Variants in NDUFS7 observed in about 807,000 individuals in gnomAD.
NDUFS7 encodes NADH:ubiquinone oxidoreductase core subunit S7, also known as NADH dehydrogenase [ubiquinone] iron-sulfur protein 7, mitochondrial.
Under a neutral mutation model 31.1 loss-of-function variants are expected in NDUFS7, and 11 were observed. The observed-to-expected ratio is 0.35, with a 90% CI of 0.22 to 0.59. The LOEUF is 0.59. NDUFS7 is among the 20% of genes least tolerant of loss of function. The pLI is 0.79. For missense variants in NDUFS7, 263 were observed against 324.2 expected, an observed-to-expected ratio of 0.81 and a Z score of 1.45; for synonymous variants, 136 against 127.9, an observed-to-expected ratio of 1.06 and a Z score of -0.43.
At position 1,393,259 on chromosome 19, in the gene NDUFS7, G is replaced by A; in HGVS notation, c.473G>A (p.Gly158Asp). The A allele has an allele frequency of 2.5e-6, 4 of 1,577,642 alleles. No individual in the cohort carries two copies. Among genetic ancestry groups the A allele is most frequent in the Non-Finnish European group, 3.4e-6 (4 of 1,162,818 alleles). The change falls in exon 7 of 8, where the codon GGC (glycine) becomes GAC (aspartate). Residue 158 changes from glycine to aspartate, a missense_variant. By Grantham distance (94) the Gly-to-Asp change is moderately conservative. Transcript: ENST00000233627. This position sits in a 1 kb window ranked among gnomAD's most constrained non-coding sequence, Gnocchi z 7.3. The stretch of plus-strand genomic sequence containing the variant: ...CCCAACAGCTGCGCCAACGGAGGAG[G>A]CTACTACCACTATTCCTACTCGGTG... ...VSMGSCANGG[G>D]YYHYSYSVVR...
chr19:1,394,244 T>C, intron 7 of NDUFS7: 1 of 658,454 alleles, frequency 1.5e-6, no homozygotes, highest in Non-Finnish European at 2.3e-6. Flanking sequence ...TTCTGCACGG[T>C]TCAGGTCACC....
At chr19:1,390,757 G>A in intron 4 of NDUFS7, 114 bp from the exon 5 acceptor site, 1 of 1,273,040 alleles carries the variant, frequency 7.9e-7, no homozygotes, top group Non-Finnish European at 1.1e-6. Flanking sequence ...TCTCACCTCT[G>A]CCGGCTGCCG....
At position 1,387,970 on chromosome 19, in the gene NDUFS7, A is replaced by G. The variant is rs1179581705; in HGVS notation, c.53+123A>G. On this transcript the variant is annotated intron_variant, in intron 2 of 7. Transcript: ENST00000233627. Reference sequence around the variant, plus strand: ...GAAGGTCACGTGTCATGTTAGGGACAGGATGCAGGTGACGGTCTGCACGCT... The same window carrying G: ...GAAGGTCACGTGTCATGTTAGGGACGGGATGCAGGTGACGGTCTGCACGCT... 16 of 870,302 alleles carry G rather than the reference A, an allele frequency of 1.8e-5. No individual in the cohort carries two copies. In the East Asian group the frequency reaches 3.8e-4, roughly 21 times the overall value. 53.9% of individuals were successfully genotyped at this position (870,302 alleles called of 1,614,324 possible).
rs539337500 is a variant in NDUFS7 at position 1,389,273 on chromosome 19, G to A, written c.228+335G>A. ...CATGCGCACATATACACATGCACAC[G>A]CACACTCGCACACACGTGCACATAT... On this transcript the variant is annotated intron_variant, in intron 4 of 7. Coordinates refer to ENST00000233627, the MANE Select transcript of NDUFS7 (RefSeq NM_024407.5). 539 of 605,660 alleles carry A rather than the reference G, an allele frequency of 8.9e-4. No individual in the cohort carries two copies. The highest frequency in any genetic ancestry group is 9.8e-4 in the African/African-American group (54 of 55,028). 37.5% of individuals were successfully genotyped at this position (605,660 alleles called of 1,614,324 possible).
intron 1 of NDUFS7, among the ~76,000 whole-genome samples, chr19:1,385,168 A>T (rs3890936): frequency 0.25 from 38,431 of 151,792 alleles, 5,630 homozygotes; most frequent in African/African-American, 0.4. Flanking sequence ...AGACATATAT[A>T]TTTTTTTATT....
chr19:1,389,036 ACAC>A, intron 4 of NDUFS7, 98 bp downstream of exon 4: 1 of 992,208 alleles, frequency 1.0e-6, no homozygotes. Context: ...ACACGTACAC[ACAC>A]AACACATGCA....
intron 4 of NDUFS7, chr19:1,390,397 A>C: frequency 4.4e-6 from 1 of 225,044 alleles, no homozygotes; most frequent in Non-Finnish European, 8.9e-6. Context: ...GAGAGCGGGA[A>C]CGGTGGGGGA....
rs266816 is a variant in NDUFS7 at position 1,394,578 on chromosome 19, G to T, written c.545-813G>T. 2.4e-6 allele frequency: 3 copies of T among 1,229,414 alleles called. No individual in the cohort carries two copies. The South Asian group carries it at 4.0e-5, about 16-fold the overall frequency. The allele number at this position is 1,229,414 out of a possible 1,614,324, so 76.2% of individuals were successfully genotyped here. On this transcript the variant is annotated intron_variant, in intron 7 of 7. Coordinates refer to ENST00000233627, the MANE Select transcript of NDUFS7 (RefSeq NM_024407.5). ...GGGGACCGCGCTCCTCCCTCCCTGC[G>T]GACCGCGCTCGGCCCTCCCTGGGGA...
Position 1,393,507 on chromosome 19 carries a change from C to G in NDUFS7, c.544+177C>G. On this transcript the variant is annotated intron_variant, in intron 7 of 7. Coordinates refer to ENST00000233627, the MANE Select transcript of NDUFS7 (RefSeq NM_024407.5). The surrounding 1 kb of genome is among the most constrained non-coding windows in gnomAD (Gnocchi z 7.3). ...GTGGAGCCTGTCCCCTGTGAGAAGT[C>G]GGCGATGTATTCAGGCATCAGAGGG... 1.4e-6 allele frequency: 1 copy of G among 693,354 alleles called. No individual in the cohort carries two copies. The highest frequency in any genetic ancestry group is 2.6e-6 in the Non-Finnish European group (1 of 380,172). The allele number at this position is 693,354 out of a possible 1,614,324, so 43.0% of individuals were successfully genotyped here. A position where few individuals can be genotyped will look rare whatever the true frequency, so the allele number is the denominator to read the frequency against.
rs2082573054 is a variant in NDUFS7 at position 1,393,666 on chromosome 19, A to G, written c.544+336A>G. On this transcript the variant is annotated intron_variant, in intron 7 of 7. Coordinates refer to ENST00000233627, the MANE Select transcript of NDUFS7 (RefSeq NM_024407.5). This position sits in a 1 kb window ranked among gnomAD's most constrained non-coding sequence, Gnocchi z 7.3. ...CAAGCGAGAAGGTTCCTGGGGGCCA[A>G]GGACACTGTCCCGCGCCCTCAGCCT... 1.7e-6 allele frequency: 1 copy of G among 592,562 alleles called. No homozygotes were observed. The allele number at this position is 592,562 out of a possible 1,614,324, so 36.7% of individuals were successfully genotyped here. A position where few individuals can be genotyped will look rare whatever the true frequency, so the allele number is the denominator to read the frequency against.
chr19:1,394,866 T>C (rs73515054), intron 7 of NDUFS7: 56,927 of 1,134,754 alleles, frequency 0.05, 4,439 homozygotes, highest in African/African-American at 0.29. Flanking sequence ...AAGCCCTTTG[T>C]TCTGAACCTG....
chr19:1,395,535 C>T lies in NDUFS7; in HGVS notation c.*47C>T. On this transcript the variant is annotated 3_prime_UTR_variant, in exon 8 of 8. Transcript: ENST00000233627. The stretch of plus-strand genomic sequence containing the variant: ...AGCCTGTCGCCGTCCTGTCCCCAGC[C>T]TGCTTGTGTCCCGTGAGGTTGTCAA... 1 of 1,547,830 alleles carries T rather than the reference C, an allele frequency of 6.5e-7. No individual in the cohort carries two copies. The highest frequency in any genetic ancestry group is 8.7e-7 in the Non-Finnish European group (1 of 1,144,358).
intron 6 of NDUFS7, chr19:1,392,911 C>G (rs2082567023): frequency 4.9e-6 from 2 of 406,730 alleles, no homozygotes; most frequent in Non-Finnish European, 9.3e-6. Flanking sequence ...TAGACAGGGG[C>G]TGGGTGTTGG....
Position 1,388,885 on chromosome 19 carries a change from C to G in NDUFS7, c.175C>G (p.Arg59Gly). The change falls in exon 4 of 8, where the codon CGG becomes GGG. Residue 59 changes from arginine to glycine, a missense_variant. Coordinates refer to ENST00000233627, the MANE Select transcript of NDUFS7 (RefSeq NM_024407.5). ...AGCCGTGGCTCCCAAACCCAGCAGC[C>G]GGGGCGAGTATGTGGTGGCCAAGCT... is the stretch of plus-strand genomic sequence containing the variant. ...ARAVAPKPSS[R>G]GEYVVAKLDD... 6.2e-7 allele frequency: 1 copy of G among 1,609,412 alleles called. No individual in the cohort carries two copies. Among genetic ancestry groups the G allele is most frequent in the Non-Finnish European group, 8.5e-7 (1 of 1,178,346 alleles).
chr19:1,391,176 G>A lies in NDUFS7; in HGVS notation c.455+11G>A. On this transcript the variant is annotated intron_variant, in intron 6 of 7. Transcript: ENST00000233627. ...GGTCTCCATGGGGAGGTGAGTGCAG[G>A]GCGGGGGGTCTCCAGGGACAGACGT... 6.2e-7 allele frequency: 1 copy of A among 1,611,314 alleles called. No individual in the cohort carries two copies. Among genetic ancestry groups the A allele is most frequent in the Non-Finnish European group, 8.5e-7 (1 of 1,179,268 alleles).
intron 1 of NDUFS7, 105 bp from the exon 2 acceptor site, chr19:1,387,704 GAT>G (rs1210213619): frequency 9.9e-7 from 1 of 1,008,570 alleles, no homozygotes; most frequent in African/African-American, 1.6e-5. Flanking sequence ...CTCGAGTTGG[GAT>G]CAGAGCTAGG....
At chr19:1,390,640 G>C in intron 4 of NDUFS7, 1 of 601,512 alleles carries the variant, frequency 1.7e-6, no homozygotes, top group Non-Finnish European at 3.0e-6. Flanking sequence ...TATGTGATGA[G>C]GACAGATCTC....
intron 6 of NDUFS7, chr19:1,392,800 T>G (rs1247018942): frequency 1.7e-5 from 4 of 241,004 alleles, no homozygotes; most frequent in East Asian, 1.1e-4. Context: ...GGGAGTGGAG[T>G]CTGTGTGGTC....
intron 4 of NDUFS7, chr19:1,389,654 C>A: frequency 2.7e-6 from 1 of 377,164 alleles, no homozygotes; most frequent in Non-Finnish European, 5.4e-6. Flanking sequence ...TAAAGCCTCC[C>A]CTGCCTGTGG....
Sources: allele counts gnomAD v4.1 joint callset (sites outside exome capture counted in the v4.1 genomes callset), GRCh38; gene constraint gnomAD v4.1.1; non-coding constraint Gnocchi (gnomAD v3.1); transcripts MANE v1.5; gene names NCBI Gene and HGNC (gene_info 2026-07-23, HGNC 2026-07-21).